RASGRP1: variants seen among roughly 807,000 people sequenced by gnomAD.
RASGRP1 encodes the protein RAS guanyl releasing protein 1.
Under a neutral mutation model 95.1 loss-of-function variants are expected in RASGRP1, and 37 were observed. The ratio of observed to expected loss-of-function variants is 0.39; its 90% CI spans 0.30 to 0.51. The LOEUF (loss-of-function observed/expected upper bound fraction) is 0.51. Among genes scored for constraint, RASGRP1 ranks in the 20% least tolerant of loss-of-function variants. The probability of loss-of-function intolerance (pLI) is 0.80; values close to 1 mark genes in which losing one functional copy is unlikely to be tolerated. For missense variants in RASGRP1, 711 were observed against 965.4 expected (o/e 0.74, Z 3.49); for synonymous variants, 325 against 353.4 (o/e 0.92, Z 0.90).
In RASGRP1 at chr15:38,490,517, T is replaced by TA. The variant is rs747262192; in HGVS notation, c.*36dup. 1 of 1,599,146 alleles carries TA rather than the reference T, an allele frequency of 6.3e-7. No homozygotes were observed. On this transcript the variant is annotated 3_prime_UTR_variant, in exon 17 of 17. Transcript: ENST00000310803. ...ATTACAGTTTAGGAAATGAGATCAC[T>TA]ATACTCATCTACAGATTGTGCTACT...
At chr15:38,541,194 G>A (rs1471190609) in intron 2 of RASGRP1, among the ~76,000 whole-genome samples, 1 of 152,140 alleles carries the variant, frequency 6.6e-6, no homozygotes, top group African/African-American at 2.4e-5. Flanking sequence ...AACCTTTTGA[G>A]GTGGGTAGGG....
intron 9 of RASGRP1, 99 bp from the exon 10 acceptor site, chr15:38,506,019 CT>C (rs1595832593): frequency 1.1e-6 from 1 of 911,590 alleles, no homozygotes; most frequent in South Asian, 1.5e-5. Context: ...GTAGTTTACT[CT>C]TTTAGGTTCT....
chr15:38,540,714 G>C (rs1004607964), intron 2 of RASGRP1, among the ~76,000 whole-genome samples: 1 of 152,194 alleles, frequency 6.6e-6, no homozygotes, highest in African/African-American at 2.4e-5. Flanking sequence ...AGATGAGTCT[G>C]AGATGCCCAG....
intron 2 of RASGRP1, among the ~76,000 whole-genome samples, chr15:38,552,588 C>A (rs1413183104): frequency 1.3e-5 from 2 of 152,122 alleles, no homozygotes; most frequent in South Asian, 4.1e-4. Context: ...CATTATATAG[C>A]GTTTGTACCA....
At chr15:38,490,788 G>T in intron 16 of RASGRP1, 100 bp from the exon 17 acceptor site, 1 of 1,262,994 alleles carries the variant, frequency 7.9e-7, no homozygotes. Context: ...CCTATTCACT[G>T]TGGCTGAGAA....
chr15:38,490,638 T>G lies in RASGRP1; in HGVS notation c.2310A>C (p.Lys770Asn), dbSNP rs1890539618. The change falls in exon 17 of 17, where the codon AAA becomes AAC. Residue 770 changes from lysine to asparagine, a missense_variant. Lys to Asn is a moderately conservative substitution (Grantham distance 94). This residue lies in a region of RASGRP1 where 212 missense variants were observed against 247.8 expected (regional missense o/e 0.86). Transcript: ENST00000310803. ...ADNDALKIQL[K>N]YAQKKIESLQ... ...GGGATTCTATTTTCTTCTGTGCATA[T>G]TTCAGTTGGATCTTTAGGGCATCAT... 1 of 1,613,318 alleles carries G rather than the reference T, an allele frequency of 6.2e-7. No homozygotes were observed. Among genetic ancestry groups the G allele is most frequent in the Non-Finnish European group, 8.5e-7 (1 of 1,179,392 alleles).
At chr15:38,503,428 C>A in intron 10 of RASGRP1, 52 bp from the exon 11 acceptor site, 1 of 1,316,794 alleles carries the variant, frequency 7.6e-7, no homozygotes, top group Non-Finnish European at 1.1e-6. Flanking sequence ...AATATTATAA[C>A]CTATAGCTCT....
At chr15:38,493,944 A>G (rs1890693637) in intron 16 of RASGRP1, among the ~76,000 whole-genome samples, 1 of 152,152 alleles carries the variant, frequency 6.6e-6, no homozygotes. Context: ...TGTTAAAGAG[A>G]CCTCTAGGGA....
At chr15:38,506,570 G>A (rs1296481754) in intron 9 of RASGRP1, among the ~76,000 whole-genome samples, 2 of 150,226 alleles carry the variant, frequency 1.3e-5, no homozygotes, top group Admixed American at 6.7e-5. Context: ...GGAAGATAGA[G>A]GTTGCAGTGA....
intron 9 of RASGRP1, among the ~76,000 whole-genome samples, chr15:38,507,132 G>T (rs150015462): frequency 5.3e-5 from 8 of 152,270 alleles, no homozygotes; most frequent in African/African-American, 1.7e-4. Context: ...AATCTTGGAC[G>T]GTTATATGTC....
At chr15:38,512,272 T>C (rs957219617) in intron 7 of RASGRP1, among the ~76,000 whole-genome samples, 1 of 152,214 alleles carries the variant, frequency 6.6e-6, no homozygotes, top group South Asian at 2.1e-4. Context: ...CCAGTGCCTA[T>C]ATAGGACAGT....
chr15:38,512,446 T>C (rs188206682), intron 7 of RASGRP1, among the ~76,000 whole-genome samples: 89 of 152,354 alleles, frequency 5.8e-4, no homozygotes, highest in African/African-American at 2.0e-3. Flanking sequence ...CAGTAAATCT[T>C]AGAATTGCCC....
chr15:38,530,353 C>G (rs1344760281), intron 2 of RASGRP1, among the ~76,000 whole-genome samples: 1 of 152,178 alleles, frequency 6.6e-6, no homozygotes, highest in Non-Finnish European at 1.5e-5. Context: ...GCAAGTCACA[C>G]TACTGAATAT....
At chr15:38,564,540 C>A in intron 1 of RASGRP1, 54 bp downstream of exon 1, 1 of 1,320,818 alleles carries the variant, frequency 7.6e-7, no homozygotes, top group Non-Finnish European at 9.7e-7. Context: ...GCAGGGGCCT[C>A]TTTCCCAAGA....
intron 2 of RASGRP1, among the ~76,000 whole-genome samples, chr15:38,547,785 A>G (rs1893158480): frequency 6.6e-6 from 1 of 151,964 alleles, no homozygotes; most frequent in South Asian, 2.1e-4. Context: ...GGCCTCCATA[A>G]TCTTTTCACC....
chr15:38,545,669 G>A (rs1203531033), intron 2 of RASGRP1, among the ~76,000 whole-genome samples: 2 of 152,110 alleles, frequency 1.3e-5, no homozygotes, highest in African/African-American at 4.8e-5. Context: ...CTGACAAGCA[G>A]AGAGAAGCAA....
intron 14 of RASGRP1, 117 bp from the exon 15 acceptor site, chr15:38,499,063 A>C: frequency 7.3e-7 from 1 of 1,360,782 alleles, no homozygotes; most frequent in Non-Finnish European, 1.0e-6. Context: ...TATCTTCTGG[A>C]GCTAAGACAC....
At chr15:38,562,653 C>G (rs1893858788) in intron 1 of RASGRP1, among the ~76,000 whole-genome samples, 2 of 152,220 alleles carry the variant, frequency 1.3e-5, no homozygotes, top group Admixed American at 6.5e-5. Flanking sequence ...CACAATACTT[C>G]TCCCTAGACC....
chr15:38,492,180 C>T (rs1890610204), intron 16 of RASGRP1, among the ~76,000 whole-genome samples: 1 of 152,168 alleles, frequency 6.6e-6, no homozygotes. Flanking sequence ...GTCTAACCCA[C>T]GTTTTGCCAC....
Sources: allele counts gnomAD v4.1 joint callset (sites outside exome capture counted in the v4.1 genomes callset), GRCh38; gene constraint gnomAD v4.1.1; regional missense constraint gnomAD v4.1.1; transcripts MANE v1.5; gene names NCBI Gene and HGNC (gene_info 2026-07-23, HGNC 2026-07-21).